MTRR: variants seen among roughly 807,000 people sequenced by gnomAD.
The protein encoded by MTRR is methionine synthase reductase.
In MTRR, 63 loss-of-function variants were observed where a neutral mutation model predicts 79.2. The ratio of observed to expected loss-of-function variants is 0.80; its 90% confidence interval spans 0.65 to 0.98. The LOEUF is 0.98. Ranked by LOEUF, MTRR falls within the 50% of genes least tolerant of loss-of-function variation. The pLI is 0.00. For missense variants in MTRR, 895 were observed against 839.6 expected (o/e 1.07, Z -0.82); for synonymous variants, 355 against 313.3 (o/e 1.13, Z -1.41).
intron 2 of MTRR, among the ~76,000 whole-genome samples, 159 bp from the exon 3 acceptor site, chr5:7,873,214 A>G (rs1376430122): frequency 6.6e-6 from 1 of 152,222 alleles, no homozygotes; most frequent in Non-Finnish European, 1.5e-5. Flanking sequence ...AAATTGATTA[A>G]GCTGAGAGCG....
At chr5:7,893,180 A>G (rs1253191529) in intron 11 of MTRR, 1 of 468,044 alleles carries the variant, frequency 2.1e-6, no homozygotes, top group Non-Finnish European at 3.9e-6. Context: ...AAGACCTTTT[A>G]TGTTGATATT....
upstream of MTRR, chr5:7,867,450 C>T (rs1177445102): frequency 2.5e-6 from 4 of 1,614,132 alleles, no homozygotes; most frequent in South Asian, 1.1e-5. Flanking sequence ...ACTTCCATGC[C>T]ACCTTTTCTG....
Position 7,869,335 on chromosome 5 carries a change from T to C in MTRR, c.-26+120T>C. 3.3e-6 allele frequency: 4 copies of C among 1,227,828 alleles called. No homozygotes were observed. In the South Asian group the frequency reaches 5.1e-5, roughly 16 times the overall value. The allele number at this position is 1,227,828 out of a possible 1,614,324, so 76.1% of individuals were successfully genotyped here. On this transcript the variant is annotated intron_variant, in intron 1 of 14. Transcript: ENST00000440940. ...GCTTGCGCCCGTGGTTCCCACGCCC[T>C]TCGGCCTCCGGGGGTCGCCGCGGGC...
chr5:7,850,985 G>A, upstream of MTRR: 1 of 1,298,110 alleles, frequency 7.7e-7, no homozygotes, highest in South Asian at 2.8e-5. Context: ...TTGCCCCGCA[G>A]CGTGGACGCG....
In MTRR at chr5:7,862,925, C is replaced by T. The variant is rs778897941; in HGVS notation, n.498+868C>T. On this transcript the variant is annotated intron_variant and non_coding_transcript_variant, in intron 2 of 3. Coordinates refer to the MTRR transcript ENST00000502509. ...TTCACATATCTATAAAGCTGAGAAT[C>T]CACAGGGGTCTCCAGGGAACAGCAT... The T allele has an allele frequency of 2.5e-6, 4 of 1,613,918 alleles. No individual in the cohort carries two copies. The Admixed American group carries it at 6.7e-5, about 27-fold the overall frequency.
chr5:7,867,231 G>T, upstream of MTRR: 1 of 1,614,000 alleles, frequency 6.2e-7, no homozygotes, highest in Non-Finnish European at 8.5e-7. Context: ...ACTATTGATA[G>T]GGAAAAGTTG....
chr5:7,883,571 G>A (rs1015458850), intron 6 of MTRR, among the ~76,000 whole-genome samples: 2 of 150,054 alleles, frequency 1.3e-5, no homozygotes, highest in Admixed American at 6.6e-5. Flanking sequence ...GCTGAGTTGT[G>A]TGGTGCTTGG....
intron 4 of MTRR, 60 bp from the exon 5 acceptor site, chr5:7,877,884 C>T (rs1734844124): frequency 3.8e-6 from 6 of 1,599,586 alleles, no homozygotes; most frequent in African/African-American, 1.3e-5. Flanking sequence ...TTATCCTGTT[C>T]TGTGTTCAGA....
intron 9 of MTRR, among the ~76,000 whole-genome samples, chr5:7,890,779 T>A (rs148905349): frequency 0.017 from 2,561 of 152,360 alleles, 36 homozygotes; most frequent in Middle Eastern, 0.048. Context: ...GTTCAATATT[T>A]AAATACAGAT....
intron 11 of MTRR, among the ~76,000 whole-genome samples, chr5:7,895,335 A>G: frequency 6.6e-6 from 1 of 152,210 alleles, no homozygotes; most frequent in East Asian, 1.9e-4. Context: ...CTTTTATTTA[A>G]AATTTTTCAA....
intron 2 of MTRR, chr5:7,863,068 C>A: frequency 7.2e-7 from 1 of 1,385,352 alleles, no homozygotes; most frequent in Non-Finnish European, 1.0e-6. Context: ...TTGAAGGTTA[C>A]CTAGGTAGAA....
intron 3 of MTRR, 100 bp from the exon 4 acceptor site, chr5:7,875,158 G>A: frequency 2.3e-6 from 2 of 851,322 alleles, no homozygotes; most frequent in Non-Finnish European, 4.0e-6. Context: ...CCATCCATAA[G>A]AGCATGAAAT....
chr5:7,880,536 T>C lies in MTRR; in HGVS notation c.780+2214T>C, dbSNP rs1056707278. ...CCCAGGATTTATGTGGTTTTTGCAGTGGTCAAACTGGTGAATTAAATGGAG... is the reference window on the plus strand; with the variant it reads ...CCCAGGATTTATGTGGTTTTTGCAGCGGTCAAACTGGTGAATTAAATGGAG... On this transcript the variant is annotated intron_variant, in intron 5 of 14. Transcript: ENST00000440940. Among the ~76,000 whole-genome samples the C allele has an allele frequency of 2.0e-5, 3 of 152,326 alleles. No individual in the cohort carries two copies. The East Asian group carries it at 5.8e-4, about 29-fold the overall frequency.
At position 7,900,336 on chromosome 5, in the gene MTRR, C is replaced by T. The variant is rs1380481733; in HGVS notation, c.*278C>T. ...TAAGGCAGCCTTCAGTCCCTATCAG[C>T]GCCTCCTTTACTTCCCAGAGAACTT... On this transcript the variant is annotated 3_prime_UTR_variant, in exon 15 of 15. Coordinates refer to ENST00000440940, the MANE Select transcript of MTRR (RefSeq NM_002454.3). The T allele has an allele frequency of 7.4e-6, 3 of 404,564 alleles. No individual in the cohort carries two copies. Among genetic ancestry groups the T allele is most frequent in the Admixed American group, 4.1e-5 (1 of 24,398 alleles). 25.1% of individuals were successfully genotyped at this position (404,564 alleles called of 1,614,324 possible). A position where few individuals can be genotyped will look rare whatever the true frequency, so the allele number is the denominator to read the frequency against.
intron 11 of MTRR, 80 bp from the exon 12 acceptor site, chr5:7,895,654 T>G: frequency 6.4e-7 from 1 of 1,561,562 alleles, no homozygotes; most frequent in Admixed American, 1.7e-5. Flanking sequence ...CTTTCTGATT[T>G]GTTTAGCAAA....
At chr5:7,867,406 A>G (rs753058504), upstream of MTRR, 4 of 1,614,178 alleles carry the variant, frequency 2.5e-6, no homozygotes, top group Non-Finnish European at 3.4e-6. Context: ...TGTGCAGTGT[A>G]ATCAGACTTT....
chr5:7,886,652 T>C lies in MTRR; in HGVS notation c.1095T>C (p.Ser365=), dbSNP rs1490381537. 7.4e-6 allele frequency: 12 copies of C among 1,613,948 alleles called. No individual in the cohort carries two copies. The highest frequency in any genetic ancestry group is 7.6e-6 in the Non-Finnish European group (9 of 1,179,946). Residue 365 remains serine (S), a synonymous_variant, in exon 8 of 15, where the codon TCT becomes TCC. Transcript: ENST00000440940. ...CCCAGCATATACCTGCGGGATGTTC[T>C]CTCCAGTTCATTTTTACCTGGTGTC... ...TLPQHIPAGC[S]LQFIFTWCLE...
upstream of MTRR, chr5:7,868,121 T>C: frequency 7.2e-7 from 1 of 1,393,790 alleles, no homozygotes; most frequent in Non-Finnish European, 9.8e-7. Context: ...AATTAAAAAA[T>C]TTAAAAACAC....
intron 7 of MTRR, among the ~76,000 whole-genome samples, chr5:7,886,330 G>A (rs999136494): frequency 1.3e-5 from 2 of 152,014 alleles, no homozygotes; most frequent in Non-Finnish European, 2.9e-5. Context: ...TAATGCTAAT[G>A]GAGTACTGCT....
Sources: allele counts gnomAD v4.1 joint callset (sites outside exome capture counted in the v4.1 genomes callset), GRCh38; gene constraint gnomAD v4.1.1; transcripts MANE v1.5; gene names NCBI Gene and HGNC (gene_info 2026-07-23, HGNC 2026-07-21).